Variants in SCARF1 observed in about 807,000 individuals in gnomAD.
The protein encoded by SCARF1 is acetyl LDL receptor.
Under a neutral mutation model 76.3 loss-of-function variants are expected in SCARF1, and 49 were observed. That is an observed-to-expected ratio of 0.64 (90% confidence interval 0.51 to 0.81). The LOEUF (loss-of-function observed/expected upper bound fraction) is 0.81. SCARF1 is among the 40% of genes least tolerant of loss of function. The pLI, the probability that SCARF1 is intolerant of heterozygous loss-of-function variation, is 0.00. For synonymous variants in SCARF1, 495 were observed against 474.6 expected, an observed-to-expected ratio of 1.04 and a Z score of -0.56; for missense variants, 1,098 against 1,143.9, an observed-to-expected ratio of 0.96 and a Z score of 0.58.
In SCARF1 at chr17:1,640,041, C is replaced by G; in HGVS notation, c.1011-1G>C. The G allele has an allele frequency of 6.2e-7, 1 of 1,613,280 alleles. No homozygotes were observed. The highest frequency in any genetic ancestry group is 2.2e-5 in the East Asian group (1 of 44,884). Reference sequence around the variant, plus strand: ...ACCAGTGGGGCAGGGGTCTTCACACCTGGGGTGAGGCAAGACTCGGGGAAG... The same window carrying G: ...ACCAGTGGGGCAGGGGTCTTCACACGTGGGGTGAGGCAAGACTCGGGGAAG... On this transcript the variant is annotated splice_acceptor_variant, in intron 5 of 10. Coordinates refer to ENST00000263071, the MANE Select transcript of SCARF1 (RefSeq NM_003693.4). LOFTEE classifies it high-confidence loss of function. The surrounding 1 kb of genome is among the most constrained non-coding windows in gnomAD (Gnocchi z 4.7).
rs948379447 is a variant in SCARF1 at position 1,634,659 on chromosome 17, G to A, written c.*99C>T. 5.5e-6 allele frequency: 8 copies of A among 1,449,648 alleles called. No homozygotes were observed. The highest frequency in any genetic ancestry group is 2.4e-5 in the East Asian group (1 of 41,518). The allele number at this position is 1,449,648 out of a possible 1,614,324, so 89.8% of individuals were successfully genotyped here. A position where few individuals can be genotyped will look rare whatever the true frequency, so the allele number is the denominator to read the frequency against. On this transcript the variant is annotated 3_prime_UTR_variant, in exon 11 of 11. Transcript: ENST00000263071. ...AGCCTTGCCTTTTCCCTGTGGAGGC[G>A]CAGAGGCTCTGGTTTGTCTGTCCTG...
chr17:1,635,736 G>T, intron 10 of SCARF1, 119 bp from the exon 11 acceptor site: 1 of 1,259,602 alleles, frequency 7.9e-7, no homozygotes, highest in Non-Finnish European at 1.1e-6. Flanking sequence ...GGGCAAGGAT[G>T]AGGAGAGTGG....
chr17:1,637,362 AT>A (rs1567662270), intron 8 of SCARF1, among the ~76,000 whole-genome samples: 1 of 123,730 alleles, frequency 8.1e-6, no homozygotes, highest in East Asian at 2.6e-4. Flanking sequence ...CTATCTATCT[AT>A]CTATCTATAT....
Position 1,645,556 on chromosome 17 carries a change from C to A in SCARF1, c.101+41G>T, listed in dbSNP as rs1179819833. On this transcript the variant is annotated intron_variant, in intron 1 of 10. Transcript: ENST00000263071. This position sits in a 1 kb window ranked among gnomAD's most constrained non-coding sequence, Gnocchi z 6.3. ...CACCCGCATCAGACTCCCACGAGACCCACCTGCTGGCCACACGCATCAGAC... is the reference window on the plus strand; with the variant it reads ...CACCCGCATCAGACTCCCACGAGACACACCTGCTGGCCACACGCATCAGAC... The A allele has an allele frequency of 1.3e-6, 2 of 1,584,900 alleles. No homozygotes were observed. The highest frequency in any genetic ancestry group is 8.5e-7 in the Non-Finnish European group (1 of 1,170,786).
At position 1,643,703 on chromosome 17, in the gene SCARF1, C is replaced by A; in HGVS notation, c.530G>T (p.Gly177Val). ...CCAGCCCGGCTTGCACACGCAGGCG[C>A]CCGTGGCCTGCTCGCAGCGCGCCGC... is the stretch of plus-strand genomic sequence containing the variant. ...TAAARCEQAT[G>V]ACVCKPGWWG... The change falls in exon 4 of 11, where the codon GGC becomes GTC. Residue 177 changes from glycine to valine, a missense_variant. Gly to Val is a moderately radical substitution (Grantham distance 109). Coordinates refer to ENST00000263071, the MANE Select transcript of SCARF1 (RefSeq NM_003693.4). The A allele has an allele frequency of 7.3e-7, 1 of 1,370,328 alleles. No homozygotes were observed. Among genetic ancestry groups the A allele is most frequent in the Non-Finnish European group, 9.4e-7 (1 of 1,068,380 alleles). The allele number at this position is 1,370,328 out of a possible 1,614,324, so 84.9% of individuals were successfully genotyped here.
At position 1,645,033 on chromosome 17, in the gene SCARF1, G is replaced by A. The variant is rs548831142; in HGVS notation, c.164-98C>T. On this transcript the variant is annotated intron_variant, in intron 2 of 10. Transcript: ENST00000263071. This position sits in a 1 kb window ranked among gnomAD's most constrained non-coding sequence, Gnocchi z 6.3. ...CAGGGGCCATGCCTCCTCAAGAGGTGCCCCTTCAGGCCTGGGGGTGCGTCA... is the reference window on the plus strand; with the variant it reads ...CAGGGGCCATGCCTCCTCAAGAGGTACCCCTTCAGGCCTGGGGGTGCGTCA... 6 of 1,515,476 alleles carry A rather than the reference G, an allele frequency of 4.0e-6. No individual in the cohort carries two copies. The African/African-American group carries it at 6.8e-5, about 17-fold the overall frequency. The allele number at this position is 1,515,476 out of a possible 1,614,324, so 93.9% of individuals were successfully genotyped here. A position where few individuals can be genotyped will look rare whatever the true frequency, so the allele number is the denominator to read the frequency against.
chr17:1,636,848 A>C lies in SCARF1; in HGVS notation c.1494T>G (p.His498Gln), dbSNP rs2151094060. The C allele has an allele frequency of 6.2e-7, 1 of 1,613,976 alleles. No homozygotes were observed. The highest frequency in any genetic ancestry group is 2.2e-5 in the East Asian group (1 of 44,868). Residue 498 changes from histidine (H) to glutamine (Q), a missense_variant, in exon 10 of 11, where the codon CAT becomes CAG. Coordinates refer to ENST00000263071, the MANE Select transcript of SCARF1 (RefSeq NM_003693.4). ...GGTTGAAGGGGACCTCCGGGTCGTG[A>C]TGTGAGACTGTAGAGACTCCAGATC... ...SHKLPWVTVS[H>Q]HDPEVPFNHS...
At position 1,635,091 on chromosome 17, in the gene SCARF1, C is replaced by T. The variant is rs768612341; in HGVS notation, c.2160G>A (p.Ala720=). ...RHFGSFQKGQ[A]EAKVKRAIPK... Reference sequence around the variant, plus strand: ...GGATGGCCCTCTTGACCTTGGCTTCCGCCTGGCCTTTCTGGAAGCTACCAA... The same window carrying T: ...GGATGGCCCTCTTGACCTTGGCTTCTGCCTGGCCTTTCTGGAAGCTACCAA... The change falls in exon 11 of 11, where the codon GCG becomes GCA. Residue 720 remains alanine, a synonymous_variant. Coordinates refer to ENST00000263071, the MANE Select transcript of SCARF1 (RefSeq NM_003693.4). The T allele has an allele frequency of 4.3e-6, 7 of 1,613,984 alleles. No individual in the cohort carries two copies. Among genetic ancestry groups the T allele is most frequent in the Admixed American group, 1.7e-5 (1 of 60,038 alleles).
At position 1,640,188 on chromosome 17, in the gene SCARF1, A is replaced by G; in HGVS notation, c.1011-148T>C. 1 of 957,558 alleles carries G rather than the reference A, an allele frequency of 1.0e-6. No homozygotes were observed. Among genetic ancestry groups the G allele is most frequent in the Non-Finnish European group, 1.5e-6 (1 of 656,114 alleles). The allele number at this position is 957,558 out of a possible 1,614,324, so 59.3% of individuals were successfully genotyped here. ...AAGCTCAGGTGCAAATAGGGCCTTG[A>G]ACTTGGGGCCAAATCCAGCAGGTGA... On this transcript the variant is annotated intron_variant, in intron 5 of 10. Transcript: ENST00000263071. This position sits in a 1 kb window ranked among gnomAD's most constrained non-coding sequence, Gnocchi z 4.7.
At position 1,634,580 on chromosome 17, in the gene SCARF1, C is replaced by G. The variant is rs539412440; in HGVS notation, c.*178G>C. On this transcript the variant is annotated 3_prime_UTR_variant, in exon 11 of 11. Coordinates refer to ENST00000263071, the MANE Select transcript of SCARF1 (RefSeq NM_003693.4). ...CCATCCTACAGGGTCTCTGCCCAGG[C>G]CTTCCTGGGCCCCTCCGGGAGCACT... 2 of 774,560 alleles carry G rather than the reference C, an allele frequency of 2.6e-6. No individual in the cohort carries two copies. Among genetic ancestry groups the G allele is most frequent in the Non-Finnish European group, 3.9e-6 (2 of 508,228 alleles). 48.0% of individuals were successfully genotyped at this position (774,560 alleles called of 1,614,324 possible).
intron 8 of SCARF1, 62 bp downstream of exon 8, chr17:1,638,744 A>C: frequency 1.5e-6 from 2 of 1,372,194 alleles, no homozygotes; most frequent in South Asian, 3.1e-5. Flanking sequence ...AGGAAACCAG[A>C]TGCCCCCCTG....
rs906917051 is a variant in SCARF1 at position 1,634,364 on chromosome 17, G to A, written c.*394C>T. 2 of 354,460 alleles carry A rather than the reference G, an allele frequency of 5.6e-6. No individual in the cohort carries two copies. The highest frequency in any genetic ancestry group is 1.0e-5 in the Non-Finnish European group (2 of 200,524). The allele number at this position is 354,460 out of a possible 1,614,324, so 22.0% of individuals were successfully genotyped here. The stretch of plus-strand genomic sequence containing the variant: ...AGATCGCACCACTGCACTCCAGCCT[G>A]GGGGACAGAGGGAGATTCTGTCTCA... On this transcript the variant is annotated 3_prime_UTR_variant, in exon 11 of 11. Transcript: ENST00000263071.
In SCARF1 at chr17:1,643,634, G is replaced by T; in HGVS notation, c.599C>A (p.Pro200Gln). Residue 200 changes from proline to glutamine, a missense_variant, in exon 4 of 11, where the codon CCG becomes CAG. Transcript: ENST00000263071. Reference sequence around the variant, plus strand: ...GCAGCGGCCGGAGTCCTGCTCGCACGGGGAGCCGTGGCAGTTGCAGCGGAA... The same window carrying T: ...GCAGCGGCCGGAGTCCTGCTCGCACTGGGAGCCGTGGCAGTTGCAGCGGAA... The part of the protein sequence containing the change: ...CSFRCNCHGS[P>Q]CEQDSGRCAC... The T allele has an allele frequency of 2.7e-6, 4 of 1,471,580 alleles. No individual in the cohort carries two copies. The highest frequency in any genetic ancestry group is 2.4e-4 in the Middle Eastern group (1 of 4,182). 91.2% of individuals were successfully genotyped at this position (1,471,580 alleles called of 1,614,324 possible).
chr17:1,637,858 T>C (rs1260392740), intron 8 of SCARF1, among the ~76,000 whole-genome samples: 1 of 152,170 alleles, frequency 6.6e-6, no homozygotes, highest in African/African-American at 2.4e-5. Flanking sequence ...ACTGCTCTGC[T>C]CTTCACTGTT....
chr17:1,634,578 G>T lies in SCARF1; in HGVS notation c.*180C>A. On this transcript the variant is annotated 3_prime_UTR_variant, in exon 11 of 11. Coordinates refer to ENST00000263071, the MANE Select transcript of SCARF1 (RefSeq NM_003693.4). ...CCCCATCCTACAGGGTCTCTGCCCA[G>T]GCCTTCCTGGGCCCCTCCGGGAGCA... The T allele has an allele frequency of 2.7e-6, 2 of 751,248 alleles. No homozygotes were observed. The highest frequency in any genetic ancestry group is 2.1e-6 in the Non-Finnish European group (1 of 487,530). 46.5% of individuals were successfully genotyped at this position (751,248 alleles called of 1,614,324 possible).
rs1423437611 is a variant in SCARF1 at position 1,645,329 on chromosome 17, G to T, written c.102-90C>A. On this transcript the variant is annotated intron_variant, in intron 1 of 10. Coordinates refer to ENST00000263071, the MANE Select transcript of SCARF1 (RefSeq NM_003693.4). The surrounding 1 kb of genome is among the most constrained non-coding windows in gnomAD (Gnocchi z 6.3). ...ATCACTGTCTCTGGCTGCAGTGGGG[G>T]AGGCTGCCTTAGCCCCCTGGGGAGG... 4 of 1,520,390 alleles carry T rather than the reference G, an allele frequency of 2.6e-6. No individual in the cohort carries two copies. In the East Asian group the frequency reaches 6.9e-5, roughly 26 times the overall value. 94.2% of individuals were successfully genotyped at this position (1,520,390 alleles called of 1,614,324 possible).
In SCARF1 at chr17:1,644,889, C is replaced by G; in HGVS notation, c.210G>C (p.Val70=). The change falls in exon 3 of 11, where the codon GTG becomes GTC. Residue 70 remains valine (V), a synonymous_variant. Coordinates refer to ENST00000263071, the MANE Select transcript of SCARF1 (RefSeq NM_003693.4). This position sits in a 1 kb window ranked among gnomAD's most constrained non-coding sequence, Gnocchi z 4.8. ...GCTTGCATCGACAGAGGCCCGGCTT[C>G]ACACACACCTCGTCTTTCTGGCAGG... ...PDACQKDEVC[V]KPGLCRCKPG... is the part of the protein sequence containing the mutation. The G allele has an allele frequency of 1.2e-6, 2 of 1,613,540 alleles. No homozygotes were observed. Among genetic ancestry groups the G allele is most frequent in the South Asian group, 2.2e-5 (2 of 91,048 alleles).
At position 1,644,223 on chromosome 17, in the gene SCARF1, G is replaced by A; in HGVS notation, c.266-256C>T. 2.6e-6 allele frequency: 1 copy of A among 386,670 alleles called. No individual in the cohort carries two copies. The highest frequency in any genetic ancestry group is 4.6e-6 in the Non-Finnish European group (1 of 218,728). The allele number at this position is 386,670 out of a possible 1,614,324, so 24.0% of individuals were successfully genotyped here. ...CAGAACACACTCAGAGATCCTGAGT[G>A]GGCAGGGGACTTGCCCAGAGCGTGG... On this transcript the variant is annotated intron_variant, in intron 3 of 10. Coordinates refer to ENST00000263071, the MANE Select transcript of SCARF1 (RefSeq NM_003693.4). This position sits in a 1 kb window ranked among gnomAD's most constrained non-coding sequence, Gnocchi z 4.8.
chr17:1,640,455 C>T lies in SCARF1; in HGVS notation c.1003G>A (p.Gly335Arg). 4.5e-6 allele frequency: 7 copies of T among 1,555,146 alleles called. No individual in the cohort carries two copies. The highest frequency in any genetic ancestry group is 2.4e-5 in the South Asian group (2 of 85,038). Residue 335 changes from glycine (G) to arginine (R), a missense_variant, in exon 5 of 11, where the codon GGG (glycine) becomes AGG (arginine). Transcript: ENST00000263071. The surrounding 1 kb of genome is among the most constrained non-coding windows in gnomAD (Gnocchi z 4.7). ...ACAGAATGGTGCCCTCACCTGGGCCCCAGCCAGCCAGGGTCACAGCGCTGA... is the reference window on the plus strand; with the variant it reads ...ACAGAATGGTGCCCTCACCTGGGCCTCAGCCAGCCAGGGTCACAGCGCTGA... Reference protein sequence around the residue: ...HCQRCDPGWLGPRCEDPCPTG... With the variant: ...HCQRCDPGWLRPRCEDPCPTG...
Sources: gnomAD v4.1 joint callset for allele counts (sites outside exome capture counted in the v4.1 genomes callset) on GRCh38, gnomAD v4.1.1 for gene constraint, Gnocchi (gnomAD v3.1) non-coding constraint, MANE v1.5 for transcripts, NCBI Gene and HGNC (gene_info 2026-07-23, HGNC 2026-07-21) for gene names.